DCUN1D1: variants seen among roughly 807,000 people sequenced by gnomAD.
DCUN1D1 encodes the protein DCN1-like protein 1.
DCUN1D1 carries 3 observed loss-of-function variants against 39.0 expected under a neutral mutation model. The ratio of observed to expected loss-of-function variants is 0.08; its 90% confidence interval spans 0.04 to 0.20. The LOEUF is 0.20. Ranked by LOEUF, DCUN1D1 falls within the 10% of genes least tolerant of loss-of-function variation. The probability of loss-of-function intolerance (pLI) is 1.00; values close to 1 mark genes in which losing one functional copy is unlikely to be tolerated. For missense variants in DCUN1D1, 158 were observed against 302.4 expected (o/e 0.52, Z 3.54); for synonymous variants, 82 against 96.3 (o/e 0.85, Z 0.87).
chr3:182,953,536 A>G (rs1018588574), intron 4 of DCUN1D1, among the ~76,000 whole-genome samples: 1 of 152,210 alleles, frequency 6.6e-6, no homozygotes, highest in Non-Finnish European at 1.5e-5. Flanking sequence ...TAAAATGAAG[A>G]TAACAATAGT....
In DCUN1D1 at chr3:182,943,950, T is replaced by C. The variant is rs558151258; in HGVS notation, c.*1144A>G. On this transcript the variant is annotated 3_prime_UTR_variant, in exon 7 of 7. Transcript: ENST00000292782. The stretch of plus-strand genomic sequence containing the variant: ...AATCTTTGCTCCTGAAGTAAATATT[T>C]GGCAACCACAGTGATTAGCAGTTAA... The C allele has an allele frequency of 6.5e-6, 1 of 152,760 alleles. No individual in the cohort carries two copies. Among genetic ancestry groups the C allele is most frequent in the East Asian group, 1.9e-4 (1 of 5,190 alleles). 9.5% of individuals were successfully genotyped at this position (152,760 alleles called of 1,614,324 possible). A position where few individuals can be genotyped will look rare whatever the true frequency, so the allele number is the denominator to read the frequency against.
chr3:182,953,550 T>G (rs561391584), intron 4 of DCUN1D1, among the ~76,000 whole-genome samples: 7 of 152,314 alleles, frequency 4.6e-5, no homozygotes, highest in African/African-American at 1.7e-4. Flanking sequence ...CAATAGTACC[T>G]ATCCTTACCT....
At chr3:182,985,836 A>C (rs1728715659) in exon 1 of DCUN1D1, 1 of 152,158 alleles carries the variant, frequency 6.6e-6, no homozygotes, top group Non-Finnish European at 1.5e-5. Flanking sequence ...CCAGTCTGTC[A>C]CCTCAAGGTA....
At chr3:182,968,583 G>GAT (rs138642068) in intron 1 of DCUN1D1, among the ~76,000 whole-genome samples, 17,660 of 150,814 alleles carry the variant, frequency 0.12, 1,145 homozygotes, top group Middle Eastern at 0.18. Flanking sequence ...TGTAATAAAT[G>GAT]ATATATATAT....
intron 1 of DCUN1D1, among the ~76,000 whole-genome samples, chr3:182,973,823 T>A (rs1303869222): frequency 2.7e-5 from 4 of 149,312 alleles, no homozygotes; most frequent in African/African-American, 1.0e-4. Flanking sequence ...AAAAAAAAAA[T>A]TCAGAAGTAT....
intron 4 of DCUN1D1, among the ~76,000 whole-genome samples, chr3:182,958,651 T>C (rs1321936411): frequency 6.6e-6 from 1 of 152,318 alleles, no homozygotes; most frequent in East Asian, 1.9e-4. Context: ...ACAAAAACTC[T>C]ACATCCTTTA....
In DCUN1D1 at chr3:182,947,305, G is replaced by A. The variant is rs1384614901; in HGVS notation, c.633C>T (p.Asp211=). 1 of 1,608,944 alleles carries A rather than the reference G, an allele frequency of 6.2e-7. No homozygotes were observed. The highest frequency in any genetic ancestry group is 1.7e-5 in the Admixed American group (1 of 59,446). The change falls in exon 6 of 7, where the codon GAC becomes GAT. Residue 211 remains aspartate, a synonymous_variant. Transcript: ENST00000292782. ...LEHHKRSIPK[D]TWNLLLDFST... ...TGAAGTCTAAAAGAAGATTCCAAGT[G>A]TCTTTTGGTATTGATCGTTTATGAT...
intron 4 of DCUN1D1, among the ~76,000 whole-genome samples, chr3:182,954,613 A>T (rs1287374956): frequency 6.6e-6 from 1 of 150,390 alleles, no homozygotes; most frequent in Non-Finnish European, 1.5e-5. Context: ...ACATTTCACG[A>T]GAAAAAAGGT....
intron 2 of DCUN1D1, among the ~76,000 whole-genome samples, chr3:182,964,642 T>C (rs1018793440): frequency 7.0e-6 from 1 of 142,400 alleles, no homozygotes; most frequent in Non-Finnish European, 1.5e-5. Flanking sequence ...TTTCTTTTTT[T>C]TTTTTTTTTT....
chr3:182,978,126 T>G (rs560078681), intron 1 of DCUN1D1, among the ~76,000 whole-genome samples: 5 of 146,088 alleles, frequency 3.4e-5, no homozygotes, highest in Admixed American at 1.4e-4. Flanking sequence ...AGTCTGTGTG[T>G]GGGGGGAGGG....
rs747971698 is a variant in DCUN1D1, at chr3:182,961,244, G to A, written c.502C>T (p.Pro168Ser). Residue 168 changes from proline to serine, a missense_variant, in exon 4 of 7, where the codon CCA (proline) becomes TCA (serine). By Grantham distance (74) the Pro-to-Ser change is moderately conservative (BLOSUM62 -1). Around this residue, in one of 4 missense-constraint regions of DCUN1D1, gnomAD observed 107 missense variants for 174.7 expected, o/e 0.61. Coordinates refer to ENST00000292782, the MANE Select transcript of DCUN1D1 (RefSeq NM_020640.4). Reference sequence around the variant, plus strand: ...TTCTTACCTAATCCTTTTTGTCCTGGATTCTTTGCAAAATTAAAAGTAAAC... The same window carrying A: ...TTCTTACCTAATCCTTTTTGTCCTGAATTCTTTGCAAAATTAAAAGTAAAC... The part of the protein sequence containing the change: ...YQFTFNFAKN[P>S]GQKGLDLEMA... 3 of 1,551,028 alleles carry A rather than the reference G, an allele frequency of 1.9e-6. No individual in the cohort carries two copies. Among genetic ancestry groups the A allele is most frequent in the African/African-American group, 1.4e-5 (1 of 72,586 alleles).
chr3:182,968,020 T>C (rs1454516681), intron 1 of DCUN1D1, among the ~76,000 whole-genome samples: 1 of 152,180 alleles, frequency 6.6e-6, no homozygotes, highest in Non-Finnish European at 1.5e-5. Context: ...GCAGGAAGTG[T>C]TGGAGATTAA....
At chr3:182,975,396 T>TA (rs1433070076) in intron 1 of DCUN1D1, among the ~76,000 whole-genome samples, 4 of 151,916 alleles carry the variant, frequency 2.6e-5, no homozygotes, top group African/African-American at 7.3e-5. Flanking sequence ...CAGGATGGTC[T>TA]TGATCTCCTG....
rs1726097957 is a variant in DCUN1D1, at chr3:182,940,710, CAGCTTCA to C, written c.*4377_*4383del. ...CATGAAGGACAGCAGCCCCAAGTTACAGCTTCAAGACCAATGCTCTGAAGTATTACAA... is the reference window on the plus strand; with the variant it reads ...CATGAAGGACAGCAGCCCCAAGTTACAGACCAATGCTCTGAAGTATTACAA... On this transcript the variant is annotated 3_prime_UTR_variant, in exon 7 of 7. Coordinates refer to ENST00000292782, the MANE Select transcript of DCUN1D1 (RefSeq NM_020640.4). The C allele has an allele frequency of 6.6e-6, 1 of 152,158 alleles. No homozygotes were observed. Among genetic ancestry groups the C allele is most frequent in the African/African-American group, 2.4e-5 (1 of 41,436 alleles). The allele number at this position is 152,158 out of a possible 1,614,324, so 9.4% of individuals were successfully genotyped here.
At chr3:182,957,754 C>T (rs778229976) in intron 4 of DCUN1D1, among the ~76,000 whole-genome samples, 12 of 151,212 alleles carry the variant, frequency 7.9e-5, no homozygotes, top group Admixed American at 2.6e-4. Flanking sequence ...TGGGTAATAC[C>T]GCAAGTCTCC....
chr3:182,972,515 G>A (rs576851932), intron 1 of DCUN1D1, among the ~76,000 whole-genome samples: 70 of 152,112 alleles, frequency 4.6e-4, no homozygotes, highest in African/African-American at 1.5e-3. Flanking sequence ...GGCAGCTCAC[G>A]CCTGTAATCC....
chr3:182,964,632 TTTC>T (rs1441231850), intron 2 of DCUN1D1, among the ~76,000 whole-genome samples: 52 of 148,172 alleles, frequency 3.5e-4, no homozygotes, highest in African/African-American at 1.1e-3. Flanking sequence ...TACTAACACC[TTTC>T]TTTTTTTTTT....
At chr3:182,970,693 C>T (rs1450904410) in intron 1 of DCUN1D1, among the ~76,000 whole-genome samples, 1 of 152,216 alleles carries the variant, frequency 6.6e-6, no homozygotes, top group Non-Finnish European at 1.5e-5. Flanking sequence ...ATAATTCTCA[C>T]TAAAAGCTCT....
chr3:182,959,913 TA>T (rs1431070756), intron 4 of DCUN1D1, among the ~76,000 whole-genome samples: 1 of 152,166 alleles, frequency 6.6e-6, no homozygotes, highest in Non-Finnish European at 1.5e-5. Flanking sequence ...TGGAGTGTGT[TA>T]TTATAAAGCG....
Sources: allele counts gnomAD v4.1 joint callset (sites outside exome capture counted in the v4.1 genomes callset), GRCh38; gene constraint gnomAD v4.1.1; regional missense constraint gnomAD v4.1.1; transcripts MANE v1.5; gene names NCBI Gene and HGNC (gene_info 2026-07-23, HGNC 2026-07-21).